INSR: variants seen among roughly 807,000 people sequenced by gnomAD.
The protein encoded by INSR is IR.
Under a neutral mutation model 142.6 loss-of-function variants are expected in INSR, and 67 were observed. The ratio of observed to expected loss-of-function variants is 0.47; its 90% CI spans 0.39 to 0.58. INSR has a LOEUF of 0.58. INSR is among the 20% of genes least tolerant of loss of function. The pLI is 0.00. For missense variants in INSR, 1,248 were observed against 1,833.2 expected (o/e 0.68, Z 5.83); for synonymous variants, 756 against 743.1 (o/e 1.02, Z -0.28).
intron 2 of INSR, among the ~76,000 whole-genome samples, chr19:7,189,979 A>G (rs758883513): frequency 4.6e-5 from 7 of 151,986 alleles, no homozygotes; most frequent in Admixed American, 6.6e-5. Flanking sequence ...TACTATTTCT[A>G]TTAGGAACTA....
intron 2 of INSR, among the ~76,000 whole-genome samples, chr19:7,194,350 G>C (rs111846248): frequency 1.2e-4 from 19 of 152,048 alleles, no homozygotes; most frequent in African/African-American, 3.6e-4. Flanking sequence ...CCAGGAGGCA[G>C]TCGTTGCAGT....
At position 7,150,620 on chromosome 19, in the gene INSR, C is replaced by A; in HGVS notation, c.2232-88G>T. 1 of 1,293,690 alleles carries A rather than the reference C, an allele frequency of 7.7e-7. No homozygotes were observed. The highest frequency in any genetic ancestry group is 1.2e-5 in the South Asian group (1 of 82,882). 80.1% of individuals were successfully genotyped at this position (1,293,690 alleles called of 1,614,324 possible). ...TCTGACACTTGGAGGCCACATGTGT[C>A]CGAGTAAGGGCACCCTGGCTTTGAC... On this transcript the variant is annotated intron_variant, in intron 10 of 21. Coordinates refer to ENST00000302850, the MANE Select transcript of INSR (RefSeq NM_000208.4). This position sits in a 1 kb window ranked among gnomAD's most constrained non-coding sequence, Gnocchi z 4.2.
Position 7,184,060 on chromosome 19 carries a change from C to CAAAAAAAAAAAAAAAAAAAAAAAA in INSR, c.974+255_974+256insTTTTTTTTTTTTTTTTTTTTTTTT, listed in dbSNP as rs533682498. Among the ~76,000 whole-genome samples, 6 of 85,116 alleles carry CAAAAAAAAAAAAAAAAAAAAAAAA rather than the reference C, an allele frequency of 7.0e-5. 1 individual carries two copies. The highest frequency in any genetic ancestry group is 1.5e-4 in the African/African-American group (3 of 20,598). The allele number at this position is 85,116 out of a possible 152,430, so 55.8% of individuals were successfully genotyped here. Reference sequence around the variant, plus strand: ...GGAGTCTTGCGGCAAGACTCCATCTCAAAAAAAAAAAAAAAGAATGGTGGG... The same window carrying CAAAAAAAAAAAAAAAAAAAAAAAA: ...GGAGTCTTGCGGCAAGACTCCATCTCAAAAAAAAAAAAAAAAAAAAAAAAAAAAAAAAAAAAAAAGAATGGTGGG... On this transcript the variant is annotated intron_variant, in intron 3 of 21. Coordinates refer to ENST00000302850, the MANE Select transcript of INSR (RefSeq NM_000208.4).
Position 7,117,126 on chromosome 19 carries a change from G to A in INSR, c.4079C>T (p.Pro1360Leu), listed in dbSNP as rs1253014967. 6.2e-7 allele frequency: 1 copy of A among 1,614,168 alleles called. No individual in the cohort carries two copies. Among genetic ancestry groups the A allele is most frequent in the Non-Finnish European group, 8.5e-7 (1 of 1,180,030 alleles). The change falls in exon 22 of 22, where the codon CCT becomes CTT. Residue 1360 changes from proline to leucine, a missense_variant. Physicochemically the swap from Pro to Leu is moderately conservative, Grantham distance 98. Coordinates refer to ENST00000302850, the MANE Select transcript of INSR (RefSeq NM_000208.4). ...CTTGCCTCCGTTCATGTGTGTGTAA[G>A]GGATGTGTTCCTCGTAGCTCCGCTT... Reference protein sequence around the residue: ...GFKRSYEEHIPYTHMNGGKKN... With the variant: ...GFKRSYEEHILYTHMNGGKKN...
chr19:7,288,941 T>G (rs1329907991), intron 1 of INSR, among the ~76,000 whole-genome samples: 236 of 84,680 alleles, frequency 2.8e-3, no homozygotes, highest in Middle Eastern at 9.8e-3. Context: ...CCAGCCCGGG[T>G]GAAGAAGTGA....
intron 1 of INSR, among the ~76,000 whole-genome samples, chr19:7,275,595 T>C (rs1397885427): frequency 1.3e-5 from 2 of 151,754 alleles, no homozygotes; most frequent in Non-Finnish European, 2.9e-5. Context: ...TCAGCCTGGA[T>C]AACATGGTGA....
At chr19:7,141,858 A>G in intron 12 of INSR, 42 bp from the exon 13 acceptor site, 2 of 1,528,762 alleles carry the variant, frequency 1.3e-6, no homozygotes, top group Non-Finnish European at 1.8e-6. Context: ...TAACTCTTGG[A>G]TGAGATCCCA....
chr19:7,214,303 CT>C (rs1333888367), intron 2 of INSR, among the ~76,000 whole-genome samples: 1 of 152,060 alleles, frequency 6.6e-6, no homozygotes, highest in African/African-American at 2.4e-5. Context: ...TTATTCCCCC[CT>C]GTGCTGGCCC....
chr19:7,167,862 G>T, intron 7 of INSR, 106 bp downstream of exon 7: 1 of 1,343,030 alleles, frequency 7.4e-7, no homozygotes, highest in South Asian at 1.2e-5. Context: ...AGGAGGAGGA[G>T]GGAGATAGAC....
At chr19:7,274,569 G>A (rs886910677) in intron 1 of INSR, among the ~76,000 whole-genome samples, 1 of 151,940 alleles carries the variant, frequency 6.6e-6, no homozygotes, top group African/African-American at 2.4e-5. Flanking sequence ...GGGAGGCCGA[G>A]TCGGGTGGAT....
At chr19:7,151,264 TTC>T (rs774454287) in intron 10 of INSR, among the ~76,000 whole-genome samples, 48 of 147,204 alleles carry the variant, frequency 3.3e-4, no homozygotes, top group Admixed American at 5.5e-4. Context: ...ATTCCTTTCT[TTC>T]TTTCTTTTTT....
intron 11 of INSR, 89 bp from the exon 12 acceptor site, chr19:7,143,179 A>C: frequency 1.4e-6 from 2 of 1,458,786 alleles, no homozygotes; most frequent in Non-Finnish European, 1.9e-6. Flanking sequence ...CTTGATTAAG[A>C]AGAAAGATCA....
At chr19:7,245,872 T>C (rs879353824) in intron 2 of INSR, among the ~76,000 whole-genome samples, 2 of 152,176 alleles carry the variant, frequency 1.3e-5, no homozygotes, top group Non-Finnish European at 2.9e-5. Flanking sequence ...AGAATTGATA[T>C]CCCAAAAGCA....
In INSR at chr19:7,168,754, G is replaced by A. The variant is rs556708026; in HGVS notation, c.1484-660C>T. Among the ~76,000 whole-genome samples, 3 of 148,622 alleles carry A rather than the reference G, an allele frequency of 2.0e-5. No homozygotes were observed. Among genetic ancestry groups the A allele is most frequent in the Admixed American group, 6.7e-5 (1 of 15,022 alleles). On this transcript the variant is annotated intron_variant, in intron 6 of 21. Transcript: ENST00000302850. This position sits in a 1 kb window ranked among gnomAD's most constrained non-coding sequence, Gnocchi z 4.3. ...TGGGATTACAGGCACCCACCACCAC[G>A]TCCAGCTAGTTTTTGTATTTTTTTT...
At chr19:7,262,843 G>A (rs1331060492) in intron 2 of INSR, among the ~76,000 whole-genome samples, 11 of 152,194 alleles carry the variant, frequency 7.2e-5, no homozygotes, top group Non-Finnish European at 1.5e-4. Flanking sequence ...CAGGGGGCTG[G>A]GAGAGGGAGA....
rs1209344056 is a variant in INSR at position 7,116,197 on chromosome 19, C to A, written c.*859G>T. On this transcript the variant is annotated 3_prime_UTR_variant, in exon 22 of 22. Transcript: ENST00000302850. ...CATAATCACTCCAAATGAAATGCTC[C>A]TCCCTTGGCCACCAATGTGAAGGGA... The A allele has an allele frequency of 6.7e-6, 1 of 149,600 alleles. No individual in the cohort carries two copies. 9.3% of individuals were successfully genotyped at this position (149,600 alleles called of 1,614,324 possible).
chr19:7,165,056 G>A (rs945910522), intron 8 of INSR, among the ~76,000 whole-genome samples: 16 of 152,104 alleles, frequency 1.1e-4, no homozygotes, highest in Non-Finnish European at 2.4e-4. Context: ...GAACTGGGAC[G>A]GGGAGGTTAC....
chr19:7,290,694 A>G (rs1028935734), intron 1 of INSR, among the ~76,000 whole-genome samples: 2 of 150,822 alleles, frequency 1.3e-5, no homozygotes, highest in African/African-American at 4.9e-5. Context: ...ATGCACTTGA[A>G]CCTGAAAGGC....
rs925994996 is a variant in INSR at position 7,159,524 on chromosome 19, G to A, written c.2029+3508C>T. 4 of 144,398 alleles carry A rather than the reference G, an allele frequency of 2.8e-5. No individual in the cohort carries two copies. Among genetic ancestry groups the A allele is most frequent in the South Asian group, 2.3e-4 (1 of 4,270 alleles). 8.9% of individuals were successfully genotyped at this position (144,398 alleles called of 1,614,324 possible). ...TTGGTAATTACAGATTTAGACTTTCGGAATTAAAAAAAAAAAAAAGGAAGC... is the reference window on the plus strand; with the variant it reads ...TTGGTAATTACAGATTTAGACTTTCAGAATTAAAAAAAAAAAAAAGGAAGC... On this transcript the variant is annotated intron_variant, in intron 9 of 21. Transcript: ENST00000302850. The surrounding 1 kb of genome is among the most constrained non-coding windows in gnomAD (Gnocchi z 4.3).
Sources: gnomAD v4.1 joint callset for allele counts (sites outside exome capture counted in the v4.1 genomes callset) on GRCh38, gnomAD v4.1.1 for gene constraint, Gnocchi (gnomAD v3.1) non-coding constraint, MANE v1.5 for transcripts, NCBI Gene and HGNC (gene_info 2026-07-23, HGNC 2026-07-21) for gene names.